Variants in RYR3 observed in about 807,000 individuals in gnomAD.
RYR3 encodes ryanodine receptor 3, also known as brain ryanodine receptor-calcium release channel.
A neutral mutation model predicts 584.3 loss-of-function variants in RYR3; 207 were observed. The ratio of observed to expected loss-of-function variants is 0.35; its 90% CI spans 0.32 to 0.40. RYR3 has a LOEUF of 0.40. Ranked by LOEUF, RYR3 falls within the 10% of genes least tolerant of loss-of-function variation. The pLI is 1.00. For synonymous variants in RYR3, 2,416 were observed against 2,248.5 expected (o/e 1.07, Z -2.11); for missense variants, 5,616 against 6,089.2 (o/e 0.92, Z 2.59).
intron 12 of RYR3, among the ~76,000 whole-genome samples, chr15:33,568,550 C>A (rs897864251): frequency 6.6e-6 from 1 of 152,048 alleles, no homozygotes; most frequent in African/African-American, 2.4e-5. Flanking sequence ...CCCACCTTAG[C>A]CTCTTGAGTA....
chr15:33,665,139 C>A (rs541622592), intron 36 of RYR3, among the ~76,000 whole-genome samples: 2 of 152,252 alleles, frequency 1.3e-5, no homozygotes, highest in South Asian at 4.1e-4. Context: ...TTTCACTGGG[C>A]GTATTCTGGC....
At chr15:33,796,743 C>T (rs1426830142) in intron 67 of RYR3, among the ~76,000 whole-genome samples, 2 of 152,220 alleles carry the variant, frequency 1.3e-5, no homozygotes, top group African/African-American at 4.8e-5. Flanking sequence ...AGCAATCTCA[C>T]TGCTAAGCAT....
chr15:33,448,128 C>A (rs992583191), intron 1 of RYR3, among the ~76,000 whole-genome samples: 3 of 152,196 alleles, frequency 2.0e-5, no homozygotes, highest in African/African-American at 7.2e-5. Context: ...GCCTCAGTTT[C>A]TTCTCTCTTG....
In RYR3 at chr15:33,814,833, G is replaced by A. The variant is rs1374952465; in HGVS notation, c.10502+1254G>A. 5.3e-5 allele frequency among the ~76,000 whole-genome samples: 8 copies of A among 149,954 alleles called. No individual in the cohort carries two copies. In the South Asian group the frequency reaches 8.4e-4, roughly 16 times the overall value. On this transcript the variant is annotated intron_variant, in intron 74 of 103. Transcript: ENST00000634891. ...GGAGAATTGCTTGAACCCAGGAGGCGGAGGTTACAGTGAGCTGAGATCACG... is the reference window on the plus strand; with the variant it reads ...GGAGAATTGCTTGAACCCAGGAGGCAGAGGTTACAGTGAGCTGAGATCACG...
chr15:33,417,168 T>C (rs1187089174), intron 1 of RYR3, among the ~76,000 whole-genome samples: 3 of 152,174 alleles, frequency 2.0e-5, no homozygotes, highest in African/African-American at 7.2e-5. Flanking sequence ...GCCGTGGCTA[T>C]TTGGGGCTTT....
chr15:33,696,321 G>A lies in RYR3; in HGVS notation c.5964G>A (p.Arg1988=). Residue 1988 remains arginine, a synonymous_variant, in exon 39 of 104, where the codon AGG becomes AGA. Transcript: ENST00000634891. The stretch of plus-strand genomic sequence containing the variant: ...GAATGATGTTCAACCTCCTCCGGAG[G>A]CAGTATGACAGCATTGGGGAGCTGC... ...LVRMMFNLLR[R]QYDSIGELLQ... 1.9e-6 allele frequency: 3 copies of A among 1,613,860 alleles called. No homozygotes were observed. The highest frequency in any genetic ancestry group is 2.5e-6 in the Non-Finnish European group (3 of 1,179,876).
chr15:33,463,307 T>A (rs1445077986), intron 1 of RYR3, among the ~76,000 whole-genome samples: 1 of 152,174 alleles, frequency 6.6e-6, no homozygotes, highest in Admixed American at 6.5e-5. Flanking sequence ...TTTCTTCCAT[T>A]CATTCTTCTC....
rs74367405 is a variant in RYR3 at position 33,518,961 on chromosome 15, C to T, written c.280-11631C>T. Among the ~76,000 whole-genome samples, 38 of 152,278 alleles carry T rather than the reference C, an allele frequency of 2.5e-4. No individual in the cohort carries two copies. In the East Asian group the frequency reaches 5.8e-3, roughly 23 times the overall value. On this transcript the variant is annotated intron_variant, in intron 3 of 103. Transcript: ENST00000634891. Reference sequence around the variant, plus strand: ...CTGGGGGTCTGCAAAGCACAGAAACCGGAGTGAGAACATAAGATCAGAGCT... The same window carrying T: ...CTGGGGGTCTGCAAAGCACAGAAACTGGAGTGAGAACATAAGATCAGAGCT...
Position 33,845,243 on chromosome 15 carries a change from T to C in RYR3, c.13497+181T>C, listed in dbSNP as rs765878534. On this transcript the variant is annotated intron_variant, in intron 93 of 103. Coordinates refer to ENST00000634891, the MANE Select transcript of RYR3 (RefSeq NM_001036.6). ...ACCTGCAGAGTCTCAGGCCTCACCA[T>C]AGGTTTTCTTCTGTTGTTGTTGTTT... Among the ~76,000 whole-genome samples the C allele has an allele frequency of 5.3e-5, 8 of 152,122 alleles. No individual in the cohort carries two copies. In the East Asian group the frequency reaches 5.8e-4, roughly 11 times the overall value.
intron 1 of RYR3, among the ~76,000 whole-genome samples, chr15:33,343,571 A>G (rs1408826378): frequency 2.0e-5 from 3 of 152,196 alleles, no homozygotes. Context: ...CTTCAGAGTG[A>G]TTTATGATCA....
intron 2 of RYR3, among the ~76,000 whole-genome samples, chr15:33,502,162 T>G (rs1208283484): frequency 2.0e-5 from 3 of 152,156 alleles, no homozygotes; most frequent in African/African-American, 7.2e-5. Context: ...ATTACTGGCT[T>G]AAAACTTTAA....
chr15:33,853,509 G>T, intron 95 of RYR3, 46 bp from the exon 96 acceptor site: 1 of 1,596,096 alleles, frequency 6.3e-7, no homozygotes, highest in South Asian at 1.1e-5. Context: ...GAAAATATTT[G>T]GTGGTGGCGT....
At chr15:33,747,371 G>A (rs942533011) in intron 53 of RYR3, among the ~76,000 whole-genome samples, 2 of 108,100 alleles carry the variant, frequency 1.9e-5, no homozygotes, top group Non-Finnish European at 3.8e-5. Context: ...GACCAAAAGA[G>A]AAATCTTTTT....
chr15:33,743,743 C>A (rs1375833523), intron 52 of RYR3, among the ~76,000 whole-genome samples: 2 of 152,180 alleles, frequency 1.3e-5, no homozygotes, highest in Non-Finnish European at 2.9e-5. Flanking sequence ...AAGCTGCCAT[C>A]GTCTTTCACC....
intron 19 of RYR3, among the ~76,000 whole-genome samples, chr15:33,622,060 C>T (rs1051425261): frequency 1.3e-5 from 2 of 152,218 alleles, no homozygotes; most frequent in African/African-American, 2.4e-5. Context: ...GGATCACCTC[C>T]GTCCAACCCA....
At chr15:33,748,855 G>A (rs983617724) in intron 55 of RYR3, among the ~76,000 whole-genome samples, 2 of 151,962 alleles carry the variant, frequency 1.3e-5, no homozygotes, top group Non-Finnish European at 2.9e-5. Flanking sequence ...ACCCACGAAC[G>A]CTCAAGTCCC....
intron 1 of RYR3, among the ~76,000 whole-genome samples, chr15:33,408,595 A>C (rs1488691415): frequency 6.6e-6 from 1 of 152,202 alleles, no homozygotes; most frequent in East Asian, 1.9e-4. Context: ...ACAGTGGCTG[A>C]ACTAAGTTAC....
At chr15:33,381,308 G>C (rs2041175689) in intron 1 of RYR3, among the ~76,000 whole-genome samples, 1 of 152,156 alleles carries the variant, frequency 6.6e-6, no homozygotes, top group South Asian at 2.1e-4. Context: ...TGCTCGAGGT[G>C]ACACCAGGAA....
chr15:33,725,831 G>T lies in RYR3; in HGVS notation c.6913-555G>T, dbSNP rs1645661931. On this transcript the variant is annotated intron_variant, in intron 45 of 103. Transcript: ENST00000634891. ...AAAAAATACAAAAAATTAGCCAGGT[G>T]TGGTGGCGGGCGCCTGTAGTCCCAG... is the stretch of plus-strand genomic sequence containing the variant. Among the ~76,000 whole-genome samples the T allele has an allele frequency of 2.7e-5, 4 of 150,922 alleles. 1 individual carries two copies. The South Asian group carries it at 8.4e-4, about 32-fold the overall frequency.
Sources: gnomAD v4.1 joint callset for allele counts (sites outside exome capture counted in the v4.1 genomes callset) on GRCh38, gnomAD v4.1.1 for gene constraint, MANE v1.5 for transcripts, NCBI Gene and HGNC (gene_info 2026-07-23, HGNC 2026-07-21) for gene names.